The following GLDN variants were observed in gnomAD, a reference collection of about 807,000 sequenced individuals.
The protein encoded by GLDN is collomin.
In GLDN, 47 loss-of-function variants were observed where a neutral mutation model predicts 56.5. The observed-to-expected ratio is 0.83, with a 90% confidence interval of 0.66 to 1.06. GLDN has a LOEUF of 1.06. GLDN is among the 50% of genes least tolerant of loss of function. The probability of loss-of-function intolerance (pLI) is 0.00; values close to 1 mark genes in which losing one functional copy is unlikely to be tolerated. For missense variants in GLDN, 782 were observed against 714.3 expected (o/e 1.09, Z -1.08); for synonymous variants, 332 against 278.8 (o/e 1.19, Z -1.90).
chr15:51,381,045 G>A (rs2037746979), intron 2 of GLDN, among the ~76,000 whole-genome samples: 1 of 152,154 alleles, frequency 6.6e-6, no homozygotes, highest in Non-Finnish European at 1.5e-5. Context: ...CATTTACTAG[G>A]CATTGCAGGC....
intron 1 of GLDN, among the ~76,000 whole-genome samples, chr15:51,370,115 C>T (rs2037485452): frequency 6.6e-6 from 1 of 152,072 alleles, no homozygotes; most frequent in African/African-American, 2.4e-5. Context: ...GCCACTGTCT[C>T]CAAAAAAGAA....
At chr15:51,357,185 G>A (rs751024045) in intron 1 of GLDN, among the ~76,000 whole-genome samples, 12 of 152,064 alleles carry the variant, frequency 7.9e-5, no homozygotes, top group Admixed American at 3.3e-4. Context: ...TTTAGCTTTC[G>A]CTTTCCTTTC....
intron 1 of GLDN, among the ~76,000 whole-genome samples, chr15:51,349,229 A>T (rs1382336562): frequency 6.6e-6 from 1 of 152,258 alleles, no homozygotes; most frequent in African/African-American, 2.4e-5. Flanking sequence ...AGAGAAAAAA[A>T]ATCACATTAC....
intron 8 of GLDN, 41 bp downstream of exon 8, chr15:51,400,539 T>A: frequency 6.3e-7 from 1 of 1,592,322 alleles, no homozygotes. Context: ...GTGTGGTAAC[T>A]GTATTTTTCA....
downstream of GLDN, among the ~76,000 whole-genome samples, chr15:51,411,477 G>A (rs529433764): frequency 1.3e-5 from 2 of 152,242 alleles, no homozygotes; most frequent in South Asian, 2.1e-4. Context: ...GAAGTAAAGG[G>A]GAAATTCAAA....
chr15:51,412,685 GT>G (rs201755677), downstream of GLDN, among the ~76,000 whole-genome samples: 1 of 151,630 alleles, frequency 6.6e-6, no homozygotes, highest in Non-Finnish European at 1.5e-5. Flanking sequence ...TAAGCTTTGT[GT>G]TTTTTTTCTT....
intron 1 of GLDN, among the ~76,000 whole-genome samples, chr15:51,368,783 G>A (rs1400707830): frequency 5.9e-5 from 9 of 152,070 alleles, no homozygotes; most frequent in Non-Finnish European, 1.3e-4. Flanking sequence ...CTTTCTTAAG[G>A]CATATGACTA....
intron 9 of GLDN, among the ~76,000 whole-genome samples, chr15:51,402,447 T>C (rs1566953057): frequency 6.6e-6 from 1 of 152,228 alleles, no homozygotes; most frequent in Non-Finnish European, 1.5e-5. Flanking sequence ...GGTTTCTGGC[T>C]CCAACTCTTG....
chr15:51,354,574 C>T (rs971660385), intron 1 of GLDN, among the ~76,000 whole-genome samples: 7 of 152,192 alleles, frequency 4.6e-5, no homozygotes, highest in African/African-American at 1.7e-4. Context: ...GAGGGTGAAT[C>T]ATTCCAAGTA....
intron 4 of GLDN, among the ~76,000 whole-genome samples, chr15:51,392,842 G>A (rs931907422): frequency 6.6e-6 from 1 of 151,414 alleles, no homozygotes. Context: ...TAGATTCCTT[G>A]AGATTTTCTA....
chr15:51,350,533 T>C (rs950091609), intron 1 of GLDN, among the ~76,000 whole-genome samples: 2 of 152,200 alleles, frequency 1.3e-5, no homozygotes, highest in African/African-American at 2.4e-5. Context: ...CACCTGACAC[T>C]GTATGCTTTG....
chr15:51,402,202 T>A (rs548147962), intron 9 of GLDN, among the ~76,000 whole-genome samples: 1 of 152,342 alleles, frequency 6.6e-6, no homozygotes, highest in East Asian at 1.9e-4. Flanking sequence ...TGCCTTCAGA[T>A]CCGTCTGTCA....
chr15:51,342,100 G>C (rs2036897347), intron 1 of GLDN, 53 bp downstream of exon 1: 4 of 1,582,810 alleles, frequency 2.5e-6, no homozygotes, highest in African/African-American at 2.7e-5. Context: ...GCGGCTGGGG[G>C]TGTGGGGCGA....
chr15:51,353,736 C>CA (rs2037121910), intron 1 of GLDN, among the ~76,000 whole-genome samples: 1 of 116,616 alleles, frequency 8.6e-6, no homozygotes, highest in Non-Finnish European at 1.7e-5. Context: ...AAAAAAAAAC[C>CA]ACAGTCAATT....
intron 1 of GLDN, among the ~76,000 whole-genome samples, chr15:51,342,909 A>T (rs1265990612): frequency 6.6e-6 from 1 of 152,246 alleles, no homozygotes; most frequent in Non-Finnish European, 1.5e-5. Context: ...TGCTCTGAAG[A>T]AAGTCTTCAA....
At chr15:51,380,237 C>T (rs924259887) in intron 2 of GLDN, among the ~76,000 whole-genome samples, 1 of 152,160 alleles carries the variant, frequency 6.6e-6, no homozygotes, top group African/African-American at 2.4e-5. Flanking sequence ...CTGGGAATTT[C>T]TAGACGGCGA....
intron 1 of GLDN, among the ~76,000 whole-genome samples, chr15:51,363,206 A>T (rs569552449): frequency 1.4e-4 from 21 of 152,230 alleles, no homozygotes; most frequent in Admixed American, 5.2e-4. Context: ...GAAATCATGG[A>T]GATGCTAAGC....
chr15:51,345,566 C>T (rs1215610393), intron 1 of GLDN, among the ~76,000 whole-genome samples: 2 of 152,152 alleles, frequency 1.3e-5, no homozygotes, highest in African/African-American at 2.4e-5. Flanking sequence ...ATTTTTAAAA[C>T]ATGCAATAAA....
Position 51,396,204 on chromosome 15 carries a change from C to T in GLDN, c.688+1223C>T, listed in dbSNP as rs779355956. ...CTAATTGCCTGCACGGCCCCTGTTC[C>T]GTGGGATGGGCCAGGGGCGCAGATG... On this transcript the variant is annotated intron_variant, in intron 5 of 9. Coordinates refer to ENST00000335449, the MANE Select transcript of GLDN (RefSeq NM_181789.4). Among the ~76,000 whole-genome samples, 9 of 152,332 alleles carry T rather than the reference C, an allele frequency of 5.9e-5. No individual in the cohort carries two copies. The South Asian group carries it at 1.2e-3, about 21-fold the overall frequency.
Sources: allele counts gnomAD v4.1 joint callset (sites outside exome capture counted in the v4.1 genomes callset), GRCh38; gene constraint gnomAD v4.1.1; transcripts MANE v1.5; gene names NCBI Gene and HGNC (gene_info 2026-07-23, HGNC 2026-07-21).